The following CIB4 variants were observed in gnomAD, a reference collection of about 807,000 sequenced individuals.
The protein encoded by CIB4 is calcium and integrin-binding family member 4.
CIB4 carries 25 observed loss-of-function variants against 25.8 expected under a neutral mutation model. The ratio of observed to expected loss-of-function variants is 0.97; its 90% confidence interval spans 0.71 to 1.35. The LOEUF is 1.35. Ranked by LOEUF, CIB4 falls within the 40% of genes most tolerant of loss-of-function variation. The pLI, the probability that CIB4 is intolerant of heterozygous loss-of-function variation, is 0.00. For missense variants in CIB4, 235 were observed against 228.2 expected (o/e 1.03, Z -0.19); for synonymous variants, 75 against 81.4 (o/e 0.92, Z 0.42).
At chr2:26,583,764 C>T (rs1572535279) in intron 5 of CIB4, 25 bp downstream of exon 5, 1 of 1,499,870 alleles carries the variant, frequency 6.7e-7, no homozygotes. Context: ...GCCCCAGCCA[C>T]CAACTCCCAG....
rs575924968 is a variant in CIB4, at chr2:26,631,210, C to T, written c.90-1704G>A. ...TAAGTGAAGACCGGGTGCGGCGGCT[C>T]ATACCAGTAATCCCAGCCCTTCAGG... On this transcript the variant is annotated intron_variant, in intron 2 of 6. Transcript: ENST00000288861. 5.9e-5 allele frequency among the ~76,000 whole-genome samples: 9 copies of T among 152,290 alleles called. No individual in the cohort carries two copies. In the East Asian group the frequency reaches 1.4e-3, roughly 23 times the overall value.
intron 3 of CIB4, among the ~76,000 whole-genome samples, chr2:26,611,514 T>C (rs953439239): frequency 4.6e-5 from 7 of 152,306 alleles, no homozygotes; most frequent in Admixed American, 4.6e-4. Context: ...CTATGAGGCA[T>C]AAAGGTTTTT....
chr2:26,640,435 G>C, intron 2 of CIB4, 98 bp downstream of exon 2: 1 of 1,319,860 alleles, frequency 7.6e-7, no homozygotes, highest in Non-Finnish European at 1.1e-6. Context: ...TCTGAGCAGG[G>C]ACCACACTCA....
chr2:26,614,676 G>A (rs144890944), intron 3 of CIB4, among the ~76,000 whole-genome samples: 15 of 152,254 alleles, frequency 9.9e-5, no homozygotes, highest in South Asian at 2.1e-4. Flanking sequence ...GATTATTCCC[G>A]TCTTGACTCA....
intron 3 of CIB4, among the ~76,000 whole-genome samples, chr2:26,619,326 G>A (rs1453144522): frequency 6.6e-6 from 1 of 152,178 alleles, no homozygotes; most frequent in African/African-American, 2.4e-5. Context: ...GGGCAGTACA[G>A]GACCAGGCTC....
intron 5 of CIB4, 55 bp downstream of exon 5, chr2:26,583,734 C>A: frequency 8.2e-7 from 1 of 1,212,190 alleles, no homozygotes; most frequent in Non-Finnish European, 1.2e-6. Context: ...CTTTGGGTGA[C>A]AACCTGGCCC....
chr2:26,620,486 G>C (rs1669185121), intron 3 of CIB4, among the ~76,000 whole-genome samples: 1 of 152,148 alleles, frequency 6.6e-6, no homozygotes, highest in Admixed American at 6.5e-5. Context: ...TTCTCCACGG[G>C]GGACGTCAGA....
intron 3 of CIB4, among the ~76,000 whole-genome samples, chr2:26,624,016 G>A (rs1322623270): frequency 6.6e-6 from 1 of 152,224 alleles, no homozygotes; most frequent in African/African-American, 2.4e-5. Flanking sequence ...TGGAAAGGGG[G>A]CACTGTGTCC....
chr2:26,591,808 A>G (rs1668591650), intron 4 of CIB4, among the ~76,000 whole-genome samples: 1 of 152,248 alleles, frequency 6.6e-6, no homozygotes. Context: ...TGAGAGGCCC[A>G]TGTGTCCAGG....
intron 3 of CIB4, among the ~76,000 whole-genome samples, chr2:26,607,888 G>A (rs1668921856): frequency 6.6e-6 from 1 of 152,236 alleles, no homozygotes; most frequent in African/African-American, 2.4e-5. Context: ...GGCTTGGCTG[G>A]CCAGCCAGGC....
intron 2 of CIB4, among the ~76,000 whole-genome samples, chr2:26,631,945 C>G (rs977725302): frequency 2.6e-5 from 4 of 152,216 alleles, no homozygotes; most frequent in African/African-American, 9.6e-5. Flanking sequence ...AGGGCTGGCC[C>G]CTGGGTGCTT....
rs375621869 is a variant in CIB4, at chr2:26,595,325, C to T, written c.187-8G>A. 39 of 1,609,442 alleles carry T rather than the reference C, an allele frequency of 2.4e-5. No individual in the cohort carries two copies. Among genetic ancestry groups the T allele is most frequent in the African/African-American group, 5.3e-5 (4 of 74,840 alleles). The stretch of plus-strand genomic sequence containing the variant: ...GTCTCTGAAAGGGTTGACCTGTGGG[C>T]GACAGGAGGAGCAGGGAGGAGGTCT... On this transcript the variant is annotated splice_region_variant and splice_polypyrimidine_tract_variant and intron_variant, in intron 3 of 6. Coordinates refer to ENST00000288861, the MANE Select transcript of CIB4 (RefSeq NM_001029881.3).
intron 3 of CIB4, among the ~76,000 whole-genome samples, chr2:26,598,027 C>T (rs1041402223): frequency 6.6e-6 from 1 of 152,074 alleles, no homozygotes; most frequent in South Asian, 2.1e-4. Context: ...TGGCCGGGCA[C>T]GGTGGCTCAC....
intron 3 of CIB4, among the ~76,000 whole-genome samples, chr2:26,608,426 C>T (rs901927032): frequency 2.0e-5 from 3 of 152,306 alleles, no homozygotes; most frequent in Non-Finnish European, 2.9e-5. Flanking sequence ...GATGCCTTAA[C>T]CCTAGCATAG....
intron 3 of CIB4, among the ~76,000 whole-genome samples, chr2:26,607,353 C>G (rs983768900): frequency 2.0e-5 from 3 of 152,012 alleles, no homozygotes; most frequent in Non-Finnish European, 2.9e-5. Context: ...AAAAGATAAC[C>G]AAAAATCAAT....
intron 4 of CIB4, among the ~76,000 whole-genome samples, chr2:26,590,258 T>TAAAAAAAAAAAAAAAAAAAAAAAA (rs869097756): frequency 1.6e-5 from 1 of 61,830 alleles, no homozygotes; most frequent in Admixed American, 3.1e-4. Flanking sequence ...CAAGCATCTG[T>TAAAAAAAAAAAAAAAAAAAAAAAA]AAAAAAAAAA....
At position 26,582,896 on chromosome 2, in the gene CIB4, A is replaced by T. The variant is rs747379720; in HGVS notation, c.456T>A (p.Asp152Glu). ...AGGACAGCATGTTGTCATTGTCCAGATCCGACTCACTCAGGACCTGGCGAG... is the reference window on the plus strand; with the variant it reads ...AGGACAGCATGTTGTCATTGTCCAGTTCCGACTCACTCAGGACCTGGCGAG... ...DLTNHVLSES[D>E]LDNDNMLSFS... Residue 152 changes from aspartate to glutamate, a missense_variant, in exon 6 of 7, where the codon GAT becomes GAA. Physicochemically the swap from Asp to Glu is conservative, Grantham distance 45. Coordinates refer to ENST00000288861, the MANE Select transcript of CIB4 (RefSeq NM_001029881.3). 9 of 1,613,152 alleles carry T rather than the reference A, an allele frequency of 5.6e-6. No homozygotes were observed. The South Asian group carries it at 9.9e-5, about 18-fold the overall frequency.
At chr2:26,602,814 G>A (rs1370978289) in intron 3 of CIB4, among the ~76,000 whole-genome samples, 2 of 152,150 alleles carry the variant, frequency 1.3e-5, no homozygotes, top group Non-Finnish European at 2.9e-5. Context: ...GTAATCTCGA[G>A]CTTGGGTGGC....
In CIB4 at chr2:26,583,788, C is replaced by A; in HGVS notation, c.438+1G>T. ...ACCAACTCCCAGCCCCCAGCACACA[C>A]GTGGTTCGTGAGGTCCATCAGGAGG... On this transcript the variant is annotated splice_donor_variant, in intron 5 of 6. Coordinates refer to ENST00000288861, the MANE Select transcript of CIB4 (RefSeq NM_001029881.3). LOFTEE classifies it high-confidence loss of function. The A allele has an allele frequency of 1.9e-6, 3 of 1,596,278 alleles. No individual in the cohort carries two copies. Among genetic ancestry groups the A allele is most frequent in the East Asian group, 2.2e-5 (1 of 44,790 alleles).
Sources: gnomAD v4.1 joint callset for allele counts (sites outside exome capture counted in the v4.1 genomes callset) on GRCh38, gnomAD v4.1.1 for gene constraint, MANE v1.5 for transcripts, NCBI Gene and HGNC (gene_info 2026-07-23, HGNC 2026-07-21) for gene names.